The following RSRC2 variants were observed in gnomAD, a reference collection of about 807,000 sequenced individuals.
RSRC2 encodes the protein arginine/serine-rich coiled-coil protein 2.
A neutral mutation model predicts 61.3 loss-of-function variants in RSRC2; 5 were observed. The observed-to-expected ratio is 0.08, with a 90% CI of 0.04 to 0.17. RSRC2 has a LOEUF of 0.17. Among genes scored for constraint, RSRC2 ranks in the 10% least tolerant of loss-of-function variants. RSRC2 has a pLI of 1.00. For missense variants in RSRC2, 381 were observed against 518.8 expected (o/e 0.73, Z 2.58); for synonymous variants, 202 against 166.5 (o/e 1.21, Z -1.64).
At chr12:122,514,703 TTTAC>T (rs1482819898) in intron 6 of RSRC2, 138 of 1,159,848 alleles carry the variant, frequency 1.2e-4, no homozygotes, top group Middle Eastern at 2.3e-4. Flanking sequence ...TTGACAAAAT[TTTAC>T]TTACTGTTTC....
chr12:122,525,058 A>G (rs1311047205), intron 1 of RSRC2, among the ~76,000 whole-genome samples: 1 of 152,114 alleles, frequency 6.6e-6, no homozygotes, highest in Non-Finnish European at 1.5e-5. Context: ...GCATAAATAA[A>G]TGTTTAAATT....
chr12:122,518,302 G>C (rs1025456101), intron 4 of RSRC2, among the ~76,000 whole-genome samples: 3 of 150,882 alleles, frequency 2.0e-5, no homozygotes, highest in African/African-American at 7.4e-5. Flanking sequence ...TCTCAAAAAA[G>C]AAAATCTAGG....
In RSRC2 at chr12:122,511,241, T is replaced by A. The variant is rs888606023; in HGVS notation, c.726-53A>T. 5.9e-6 allele frequency: 8 copies of A among 1,345,598 alleles called. No individual in the cohort carries two copies. In the African/African-American group the frequency reaches 1.0e-4, roughly 17 times the overall value. The allele number at this position is 1,345,598 out of a possible 1,614,324, so 83.4% of individuals were successfully genotyped here. On this transcript the variant is annotated intron_variant, in intron 6 of 9. Coordinates refer to ENST00000331738, the MANE Select transcript of RSRC2 (RefSeq NM_023012.6). The stretch of plus-strand genomic sequence containing the variant: ...AATAACACAATATAAAACCATTATG[T>A]ATATATCTCTCTATATGTGCATGTA...
chr12:122,507,123 A>C, intron 8 of RSRC2, 200 bp from the exon 9 acceptor site: 4 of 575,392 alleles, frequency 7.0e-6, no homozygotes, highest in Admixed American at 3.0e-5. Context: ...CACTCCTATA[A>C]TCCCAGCACT....
chr12:122,526,612 A>T (rs553199115), intron 1 of RSRC2, among the ~76,000 whole-genome samples: 2 of 152,140 alleles, frequency 1.3e-5, no homozygotes, highest in South Asian at 4.1e-4. Flanking sequence ...GGGTTGGGGA[A>T]GAGAGGAGGA....
At chr12:122,505,780 A>G in intron 9 of RSRC2, 74 bp from the exon 10 acceptor site, 1 of 1,343,504 alleles carries the variant, frequency 7.4e-7, no homozygotes, top group South Asian at 1.4e-5. Flanking sequence ...ACTATTTTTT[A>G]TGTATTTTTT....
chr12:122,509,110 T>G (rs1309425956), intron 7 of RSRC2, among the ~76,000 whole-genome samples: 1 of 151,994 alleles, frequency 6.6e-6, no homozygotes, highest in Non-Finnish European at 1.5e-5. Context: ...TGAAATGTTC[T>G]CATGGACATT....
intron 1 of RSRC2, among the ~76,000 whole-genome samples, chr12:122,525,591 T>C (rs183870119): frequency 6.6e-6 from 1 of 152,282 alleles, no homozygotes; most frequent in African/African-American, 2.4e-5. Context: ...TATCACTATG[T>C]TTAAGAGTCA....
At chr12:122,513,243 AT>A (rs1225215550) in intron 6 of RSRC2, among the ~76,000 whole-genome samples, 14 of 48,202 alleles carry the variant, frequency 2.9e-4, no homozygotes, top group East Asian at 2.7e-3. Context: ...AAATAAATAA[AT>A]AAAATAAAAT....
chr12:122,518,813 C>G, intron 4 of RSRC2, 26 bp downstream of exon 4: 2 of 1,565,326 alleles, frequency 1.3e-6, no homozygotes, highest in African/African-American at 2.7e-5. Context: ...TTAGAAGGTA[C>G]TACATTATAA....
In RSRC2 at chr12:122,507,718, A is replaced by ATT. The variant is rs63636761; in HGVS notation, c.1035+498_1035+499dup. On this transcript the variant is annotated intron_variant, in intron 8 of 9. Coordinates refer to ENST00000331738, the MANE Select transcript of RSRC2 (RefSeq NM_023012.6). ...ACCCAGGCTGAAGTGCAGTGGCGTG[A>ATT]TTTTTTTTTTTTTTTTCCAGATGGA... Among the ~76,000 whole-genome samples the ATT allele has an allele frequency of 2.6e-3, 370 of 143,244 alleles. 1 individual carries two copies. The highest frequency in any genetic ancestry group is 5.1e-3 in the African/African-American group (198 of 38,916). The allele number at this position is 143,244 out of a possible 152,430, so 94.0% of individuals were successfully genotyped here.
intron 3 of RSRC2, 142 bp from the exon 4 acceptor site, chr12:122,519,171 A>G: frequency 1.6e-6 from 1 of 640,038 alleles, no homozygotes; most frequent in Non-Finnish European, 2.7e-6. Flanking sequence ...CTAGTTTCAC[A>G]TCACCCAAAT....
At chr12:122,507,444 T>C (rs865936074) in intron 8 of RSRC2, among the ~76,000 whole-genome samples, 1 of 152,008 alleles carries the variant, frequency 6.6e-6, no homozygotes, top group Admixed American at 6.6e-5. Context: ...TTTTTCAACA[T>C]GCAATTTTTG....
intron 5 of RSRC2, among the ~76,000 whole-genome samples, 187 bp downstream of exon 5, chr12:122,517,040 G>A (rs548480988): frequency 1.3e-5 from 2 of 152,280 alleles, no homozygotes; most frequent in African/African-American, 4.8e-5. Context: ...TATCAATCAC[G>A]AGAATACCTG....
At chr12:122,506,604 G>A (rs1004486675) in intron 9 of RSRC2, 1 of 435,444 alleles carries the variant, frequency 2.3e-6, no homozygotes, top group Admixed American at 4.0e-5. Context: ...AGCAAGCAGA[G>A]CAAAACCCCG....
Position 122,504,080 on chromosome 12 carries a change from T to A in RSRC2, c.*1447A>T, listed in dbSNP as rs936376526. The A allele has an allele frequency of 1.3e-5, 2 of 152,006 alleles. No homozygotes were observed. Among genetic ancestry groups the A allele is most frequent in the African/African-American group, 4.8e-5 (2 of 41,354 alleles). The allele number at this position is 152,006 out of a possible 1,614,324, so 9.4% of individuals were successfully genotyped here. ...AAAAAAAAGAAAACACCCCATTACT[T>A]CATTTTCATGTATAAAAAAAATACC... On this transcript the variant is annotated 3_prime_UTR_variant, in exon 10 of 10. Coordinates refer to ENST00000331738, the MANE Select transcript of RSRC2 (RefSeq NM_023012.6).
chr12:122,507,931 C>G, intron 8 of RSRC2: 1 of 431,482 alleles, frequency 2.3e-6, no homozygotes, highest in Admixed American at 3.5e-5. Flanking sequence ...CTCCCAAGCA[C>G]CTGGGATTAC....
At chr12:122,517,492 T>A in intron 4 of RSRC2, 62 bp from the exon 5 acceptor site, 1 of 1,596,434 alleles carries the variant, frequency 6.3e-7, no homozygotes, top group Non-Finnish European at 8.6e-7. Context: ...TTTATACACA[T>A]CATGAATTAG....
chr12:122,507,859 T>C (rs1210597643), intron 8 of RSRC2: 3 of 269,888 alleles, frequency 1.1e-5, no homozygotes, highest in Non-Finnish European at 2.2e-5. Context: ...CTAAGTGGCA[T>C]GATCTTGGCT....
Sources: gnomAD v4.1 joint callset for allele counts (sites outside exome capture counted in the v4.1 genomes callset) on GRCh38, gnomAD v4.1.1 for gene constraint, MANE v1.5 for transcripts, NCBI Gene and HGNC (gene_info 2026-07-23, HGNC 2026-07-21) for gene names.